Variants in CTBP2 observed in about 807,000 individuals in gnomAD.
CTBP2 encodes the protein C-terminal-binding protein 2.
In CTBP2, 30 loss-of-function variants were observed where a neutral mutation model predicts 80.3. The ratio of observed to expected loss-of-function variants is 0.37; its 90% CI spans 0.28 to 0.51. CTBP2 has a LOEUF of 0.51. CTBP2 is among the 20% of genes least tolerant of loss of function. CTBP2 has a pLI of 0.93. For synonymous variants in CTBP2, 594 were observed against 587.4 expected (o/e 1.01, Z -0.16); for missense variants, 1,212 against 1,375.3 (o/e 0.88, Z 1.88).
chr10:124,995,476 C>T (rs1953351992), intron 4 of CTBP2, among the ~76,000 whole-genome samples: 1 of 152,192 alleles, frequency 6.6e-6, no homozygotes, highest in Non-Finnish European at 1.5e-5. Context: ...GACTGGTTCT[C>T]TTGGAGATCA....
At chr10:124,992,924 C>T in intron 7 of CTBP2, 112 bp from the exon 10 acceptor site, 1 of 944,044 alleles carries the variant, frequency 1.1e-6, no homozygotes, top group Non-Finnish European at 1.6e-6. Context: ...AAATGTAGAA[C>T]ATCCAAAGGC....
rs7895557 is a variant in CTBP2, at chr10:125,113,752, A to G, written c.-205-2659T>C. ...GTGGGTACAGGTTCTAATTTGAGAT[A>G]TTTCATAGTAAAATTAAGTAGGAAA... On this transcript the variant is annotated intron_variant, in intron 1 of 10. Coordinates refer to the CTBP2 transcript ENST00000337195. 6.1e-3 allele frequency among the ~76,000 whole-genome samples: 931 copies of G among 152,282 alleles called. 5 individuals are homozygous for G. The highest frequency in any genetic ancestry group is 9.1e-3 in the Non-Finnish European group (618 of 68,030).
In CTBP2 at chr10:125,027,465, T is replaced by A; in HGVS notation, c.295A>T (p.Met99Leu). The A allele has an allele frequency of 6.2e-7, 1 of 1,614,084 alleles. No homozygotes were observed. The highest frequency in any genetic ancestry group is 8.5e-7 in the Non-Finnish European group (1 of 1,180,008). The change falls in exon 1 of 9, where the codon ATG becomes TTG. Residue 99 changes from methionine (M) to leucine (L), a missense_variant. By Grantham distance (15) the Met-to-Leu change is conservative. This residue lies in a region of CTBP2 where 848 missense variants were observed against 782.3 expected (regional missense o/e 1.08). Coordinates refer to ENST00000309035, the MANE Select transcript of CTBP2 (RefSeq NM_022802.3). ...GGCAGCAGGGGGCTGCGACCAGACA[T>A]CACTGCCTGTCTGCTGTCGTAGAAG...
intron 1 of CTBP2, among the ~76,000 whole-genome samples, chr10:125,155,102 G>C (rs970742073): frequency 1.3e-5 from 2 of 152,072 alleles, no homozygotes; most frequent in South Asian, 2.1e-4. Flanking sequence ...CGTTAAAATC[G>C]TTCCTCAAAA....
chr10:125,147,568 C>T (rs1859013615), intron 1 of CTBP2, among the ~76,000 whole-genome samples: 1 of 152,178 alleles, frequency 6.6e-6, no homozygotes, highest in Non-Finnish European at 1.5e-5. Flanking sequence ...ACTCCCCTTC[C>T]CTACCACAGG....
chr10:125,061,414 C>A (rs1293948296), intron 2 of CTBP2, among the ~76,000 whole-genome samples: 1 of 152,158 alleles, frequency 6.6e-6, no homozygotes, highest in African/African-American at 2.4e-5. Context: ...ACACCCCTAG[C>A]TGCCCCAGGG....
intron 1 of CTBP2, among the ~76,000 whole-genome samples, chr10:125,141,853 A>G (rs1857885318): frequency 1.3e-5 from 2 of 152,202 alleles, no homozygotes; most frequent in African/African-American, 4.8e-5. Context: ...CGGTTAGCAC[A>G]CTGCCCGGCT....
intron 2 of CTBP2, among the ~76,000 whole-genome samples, chr10:125,053,873 C>A (rs931225115): frequency 6.6e-6 from 1 of 152,194 alleles, no homozygotes; most frequent in Admixed American, 6.5e-5. Flanking sequence ...CACAAGAAAC[C>A]AGGGACCCGG....
rs1952004803 is a variant in CTBP2 at position 124,985,149 on chromosome 10, A to AT, written c.*4368dup. 6.8e-6 allele frequency: 4 copies of AT among 584,498 alleles called. No individual in the cohort carries two copies. 36.2% of individuals were successfully genotyped at this position (584,498 alleles called of 1,614,324 possible). On this transcript the variant is annotated 3_prime_UTR_variant, in exon 9 of 9. Coordinates refer to ENST00000309035, the MANE Select transcript of CTBP2 (RefSeq NM_022802.3). ...CCTGGACCACACACACCTTATGGAG[A>AT]TAATGCCTCTGCTGCGTGAGGAGAC... is the stretch of plus-strand genomic sequence containing the variant.
intron 3 of CTBP2, among the ~76,000 whole-genome samples, chr10:125,002,707 G>T (rs12414632): frequency 6.6e-6 from 1 of 152,184 alleles, no homozygotes; most frequent in Non-Finnish European, 1.5e-5. Flanking sequence ...GTGCCAGCTG[G>T]GTGTTGCTCT....
chr10:125,092,673 A>G (rs145890793), intron 2 of CTBP2, among the ~76,000 whole-genome samples: 470 of 152,326 alleles, frequency 3.1e-3, no homozygotes, highest in African/African-American at 0.011. Flanking sequence ...GCAGTGGAGT[A>G]GAACAGAGTG....
chr10:125,051,279 C>G (rs988887089), intron 2 of CTBP2, among the ~76,000 whole-genome samples: 1 of 152,220 alleles, frequency 6.6e-6, no homozygotes, highest in Non-Finnish European at 1.5e-5. Flanking sequence ...TCATGTACTT[C>G]CTGCCATAGT....
intron 1 of CTBP2, among the ~76,000 whole-genome samples, chr10:125,015,852 C>T (rs1956423271): frequency 2.0e-5 from 3 of 152,210 alleles, no homozygotes; most frequent in African/African-American, 7.2e-5. Flanking sequence ...CACACTCACT[C>T]GCCGGCCGCA....
chr10:125,051,754 G>A (rs1177968803), intron 2 of CTBP2, among the ~76,000 whole-genome samples: 1 of 152,014 alleles, frequency 6.6e-6, no homozygotes, highest in Non-Finnish European at 1.5e-5. Flanking sequence ...TTATGTTAAA[G>A]TTCTAAGCCC....
At chr10:125,092,132 G>A (rs1187922016) in intron 2 of CTBP2, among the ~76,000 whole-genome samples, 1 of 151,356 alleles carries the variant, frequency 6.6e-6, no homozygotes, top group East Asian at 1.9e-4. Context: ...GGTGGGGAAG[G>A]GAGATTACTA....
intron 2 of CTBP2, among the ~76,000 whole-genome samples, chr10:125,039,935 C>T (rs56250138): frequency 0.041 from 6,271 of 152,176 alleles, 467 homozygotes; most frequent in African/African-American, 0.14. Flanking sequence ...GAAAGGTCTC[C>T]CATGTGGTTT....
chr10:125,157,042 T>A (rs1861043005), intron 1 of CTBP2, among the ~76,000 whole-genome samples: 2 of 152,226 alleles, frequency 1.3e-5, no homozygotes, highest in African/African-American at 4.8e-5. Context: ...AGTATGTCAC[T>A]GGCGTGTTTT....
chr10:125,146,735 A>AC (rs1192781954), intron 1 of CTBP2, among the ~76,000 whole-genome samples: 1 of 152,128 alleles, frequency 6.6e-6, no homozygotes, highest in Non-Finnish European at 1.5e-5. Flanking sequence ...TACTATTCAC[A>AC]CCTGGAGCCC....
chr10:125,146,076 A>G (rs1215550217), intron 1 of CTBP2, among the ~76,000 whole-genome samples: 2 of 152,124 alleles, frequency 1.3e-5, no homozygotes. Flanking sequence ...GGTGCCAACC[A>G]CCATACCTGG....
Sources: allele counts gnomAD v4.1 joint callset (sites outside exome capture counted in the v4.1 genomes callset), GRCh38; gene constraint gnomAD v4.1.1; regional missense constraint gnomAD v4.1.1; transcripts MANE v1.5; gene names NCBI Gene and HGNC (gene_info 2026-07-23, HGNC 2026-07-21).